MCC: variants seen among roughly 807,000 people sequenced by gnomAD.
MCC encodes the protein MCC regulator of Wnt signaling pathway, also known as colorectal mutant cancer protein.
MCC carries 90 observed loss-of-function variants against 116.2 expected under a neutral mutation model. The observed-to-expected ratio is 0.77, with a 90% confidence interval of 0.65 to 0.92. The LOEUF is 0.92. Among genes scored for constraint, MCC ranks in the 40% least tolerant of loss-of-function variants. MCC has a pLI of 0.00. For missense variants in MCC, 1,516 were observed against 1,312.2 expected, an observed-to-expected ratio of 1.16 and a Z score of -2.40; for synonymous variants, 578 against 510.5, an observed-to-expected ratio of 1.13 and a Z score of -1.78.
intron 3 of MCC, among the ~76,000 whole-genome samples, chr5:113,187,309 A>T (rs921045618): frequency 6.6e-6 from 1 of 152,060 alleles, no homozygotes; most frequent in African/African-American, 2.4e-5. Flanking sequence ...GGGTTTTGCC[A>T]TGTTGGCCAG....
chr5:113,457,274 G>A (rs1233204443), intron 1 of MCC, among the ~76,000 whole-genome samples: 3 of 152,236 alleles, frequency 2.0e-5, no homozygotes, highest in Admixed American at 2.0e-4. Flanking sequence ...AGGCAATGAG[G>A]GACTTAGCAC....
intron 3 of MCC, among the ~76,000 whole-genome samples, chr5:113,306,146 G>A (rs10478117): frequency 0.59 from 90,311 of 152,038 alleles, 29,844 homozygotes; most frequent in African/African-American, 0.9. Context: ...TTGTTTATCC[G>A]TTCATCAATT....
In MCC at chr5:113,082,862, A is replaced by G. The variant is rs756999256; in HGVS notation, c.1782T>C (p.Asn594=). ...REFEVETERL[N]SRIEHLKSQN... The stretch of plus-strand genomic sequence containing the variant: ...AAATCGATACGATCTCTCCTCACCT[A>G]TTCAGCCGTTCTGTTTCCACCTCAA... The change falls in exon 11 of 19, where the codon AAT becomes AAC. Residue 594 remains asparagine (N), a splice_region_variant and synonymous_variant. Transcript: ENST00000408903. 3.6e-5 allele frequency: 58 copies of G among 1,613,784 alleles called. No individual in the cohort carries two copies. Among genetic ancestry groups the G allele is most frequent in the Non-Finnish European group, 4.6e-5 (54 of 1,179,910 alleles).
At chr5:113,381,787 CAAAT>C (rs1362739861) in intron 2 of MCC, among the ~76,000 whole-genome samples, 21 of 152,000 alleles carry the variant, frequency 1.4e-4, no homozygotes, top group Non-Finnish European at 2.2e-4. Context: ...GATCCTGACT[CAAAT>C]AAATAAATAA....
At chr5:113,277,948 A>G (rs1765889694) in intron 3 of MCC, among the ~76,000 whole-genome samples, 1 of 152,186 alleles carries the variant, frequency 6.6e-6, no homozygotes, top group African/African-American at 2.4e-5. Context: ...TCTCAAACTC[A>G]GAATGCCCAA....
intron 2 of MCC, among the ~76,000 whole-genome samples, chr5:113,342,073 G>A (rs751028467): frequency 1.3e-5 from 2 of 150,504 alleles, no homozygotes; most frequent in Admixed American, 6.7e-5. Flanking sequence ...TCCCACTTAT[G>A]AGTGAGAACA....
intron 3 of MCC, among the ~76,000 whole-genome samples, chr5:113,171,694 G>T (rs1039202027): frequency 2.6e-5 from 4 of 152,102 alleles, no homozygotes; most frequent in Non-Finnish European, 5.9e-5. Context: ...ACATCTAATT[G>T]GTGGCTCTGT....
At chr5:113,079,284 T>C in intron 11 of MCC, among the ~76,000 whole-genome samples, 1 of 152,226 alleles carries the variant, frequency 6.6e-6, no homozygotes, top group East Asian at 1.9e-4. Context: ...AATGACATTC[T>C]TCACAGAATT....
intron 11 of MCC, among the ~76,000 whole-genome samples, chr5:113,077,102 G>A (rs1218360002): frequency 6.6e-6 from 1 of 152,136 alleles, no homozygotes. Context: ...AACAAGAAGA[G>A]CTAACTATCC....
chr5:113,342,532 G>A (rs887122207), intron 2 of MCC, among the ~76,000 whole-genome samples: 6 of 152,236 alleles, frequency 3.9e-5, no homozygotes, highest in Non-Finnish European at 5.9e-5. Flanking sequence ...AAATGGGAAA[G>A]TGCAATGAAA....
chr5:113,384,945 A>C, intron 2 of MCC, 23 bp downstream of exon 2: 1 of 1,613,090 alleles, frequency 6.2e-7, no homozygotes, highest in Non-Finnish European at 8.5e-7. Flanking sequence ...AGTGCCATAA[A>C]ACTGCCACCT....
chr5:113,255,728 C>G (rs1054790601), intron 3 of MCC, among the ~76,000 whole-genome samples: 13 of 152,150 alleles, frequency 8.5e-5, no homozygotes, highest in African/African-American at 2.7e-4. Flanking sequence ...ATTTACGTGG[C>G]CCCAACCACA....
intron 1 of MCC, among the ~76,000 whole-genome samples, chr5:113,406,151 T>C (rs983428553): frequency 6.6e-6 from 1 of 152,216 alleles, no homozygotes; most frequent in Admixed American, 6.5e-5. Context: ...GCCTGCACTA[T>C]TGAATGTGCA....
At chr5:113,137,200 A>G (rs1561390814) in intron 5 of MCC, among the ~76,000 whole-genome samples, 1 of 152,142 alleles carries the variant, frequency 6.6e-6, no homozygotes, top group Non-Finnish European at 1.5e-5. Flanking sequence ...GAGTGTAAGC[A>G]TGTGCAGGAG....
chr5:113,470,677 G>A (rs1643824), intron 1 of MCC, among the ~76,000 whole-genome samples: 109,155 of 151,158 alleles, frequency 0.72, 39,861 homozygotes, highest in East Asian at 0.88. Context: ...TGCTCTTCTC[G>A]AGGAGTATCT....
chr5:113,445,064 C>G (rs1771169579), intron 1 of MCC, among the ~76,000 whole-genome samples: 1 of 152,176 alleles, frequency 6.6e-6, no homozygotes, highest in South Asian at 2.1e-4. Flanking sequence ...AACCCAGATA[C>G]AGCCCAGACA....
At chr5:113,428,371 T>C (rs1349567843) in intron 1 of MCC, among the ~76,000 whole-genome samples, 1 of 152,296 alleles carries the variant, frequency 6.6e-6, no homozygotes, top group East Asian at 1.9e-4. Flanking sequence ...ATGTGTTCTC[T>C]CAGCTGCCAG....
At position 113,113,401 on chromosome 5, in the gene MCC, A is replaced by G. The variant is rs10075242; in HGVS notation, c.1028-9046T>C. 3.7e-3 allele frequency among the ~76,000 whole-genome samples: 571 copies of G among 152,288 alleles called. 6 individuals are homozygous for G. Among genetic ancestry groups the G allele is most frequent in the African/African-American group, 0.012 (514 of 41,566 alleles). ...AACATAGAAAATTAGAAAACAGAATAGTCAACTTTTAGGGTTGAACACCAA... is the reference window on the plus strand; with the variant it reads ...AACATAGAAAATTAGAAAACAGAATGGTCAACTTTTAGGGTTGAACACCAA... On this transcript the variant is annotated intron_variant, in intron 6 of 18. Transcript: ENST00000408903.
chr5:113,112,242 G>T (rs1757141713), intron 6 of MCC, among the ~76,000 whole-genome samples: 1 of 152,166 alleles, frequency 6.6e-6, no homozygotes, highest in South Asian at 2.1e-4. Flanking sequence ...CTTTGCCTTT[G>T]ATAGGGCTTG....
Sources: gnomAD v4.1 joint callset for allele counts (sites outside exome capture counted in the v4.1 genomes callset) on GRCh38, gnomAD v4.1.1 for gene constraint, MANE v1.5 for transcripts, NCBI Gene and HGNC (gene_info 2026-07-23, HGNC 2026-07-21) for gene names.